CHD7: variants seen among roughly 807,000 people sequenced by gnomAD.
CHD7 encodes the protein ATP-dependent chromatin remodeler CHD7.
Under a neutral mutation model 307.3 loss-of-function variants are expected in CHD7, and 24 were observed. The observed-to-expected ratio is 0.08, with a 90% confidence interval of 0.06 to 0.11. The LOEUF is 0.11. Ranked by LOEUF, CHD7 falls within the 10% of genes least tolerant of loss-of-function variation. The pLI is 1.00. For missense variants in CHD7, 3,106 were observed against 3,727.1 expected (o/e 0.83, Z 4.34); for synonymous variants, 1,363 against 1,349.9 (o/e 1.01, Z -0.21).
At chr8:60,815,869 C>T (rs1034544412) in intron 7 of CHD7, among the ~76,000 whole-genome samples, 1 of 152,114 alleles carries the variant, frequency 6.6e-6, no homozygotes, top group African/African-American at 2.4e-5. Context: ...GTATGATAGG[C>T]CTTGGGTGAC....
chr8:60,834,590 T>A (rs1203868526), intron 15 of CHD7, among the ~76,000 whole-genome samples: 4 of 152,246 alleles, frequency 2.6e-5, no homozygotes, highest in African/African-American at 9.6e-5. Flanking sequence ...TTATTTTCCA[T>A]ACTTAAAGAA....
chr8:60,864,944 C>G (rs1377122350), intron 37 of CHD7, 72 bp from the exon 38 acceptor site: 1 of 1,431,546 alleles, frequency 7.0e-7, no homozygotes, highest in East Asian at 2.5e-5. Flanking sequence ...AGGTTCACCA[C>G]AGAGGCTCAC....
In CHD7 at chr8:60,781,292, C is replaced by G. The variant is rs200536932; in HGVS notation, c.1958C>G (p.Pro653Arg). The change falls in exon 3 of 38, where the codon CCG (proline) becomes CGG (arginine). Residue 653 changes from proline to arginine, a missense_variant. Around this residue, in one of 10 missense-constraint regions of CHD7, gnomAD observed 998 missense variants for 1,004.5 expected, o/e 0.99. Transcript: ENST00000423902. The part of the protein sequence containing the change: ...KKKRSKAKKD[P>R]KEPKEPKEKK... ...AAAAGGTCAAAGGCAAAAAAAGACC[C>G]GAAGGAACCGAAAGAACCCAAGGAG... The G allele has an allele frequency of 4.5e-6, 7 of 1,563,110 alleles. No homozygotes were observed. In the African/African-American group the frequency reaches 6.8e-5, roughly 15 times the overall value.
At chr8:60,723,713 C>T (rs1234170650) in intron 1 of CHD7, among the ~76,000 whole-genome samples, 1 of 152,168 alleles carries the variant, frequency 6.6e-6, no homozygotes, top group Non-Finnish European at 1.5e-5. Context: ...TAGAATGCCA[C>T]CTTATTTGGA....
At chr8:60,828,470 A>G (rs1223280321) in intron 13 of CHD7, among the ~76,000 whole-genome samples, 193 bp from the exon 14 acceptor site, 5 of 152,318 alleles carry the variant, frequency 3.3e-5, no homozygotes, top group African/African-American at 9.6e-5. Context: ...AGAGTTCTGG[A>G]GAGGACTGTC....
intron 2 of CHD7, among the ~76,000 whole-genome samples, chr8:60,765,797 G>A (rs896182285): frequency 1.3e-5 from 2 of 152,186 alleles, no homozygotes; most frequent in African/African-American, 2.4e-5. Context: ...AAGCATGGGC[G>A]CTTTACATTT....
At chr8:60,748,300 T>A (rs1809433454) in intron 2 of CHD7, among the ~76,000 whole-genome samples, 1 of 151,570 alleles carries the variant, frequency 6.6e-6, no homozygotes, top group African/African-American at 2.4e-5. Context: ...GGGAAAAGAG[T>A]TTAAGATTTA....
Position 60,806,235 on chromosome 8 carries a change from G to A in CHD7, c.2443-1982G>A, listed in dbSNP as rs568181484. 1.3e-4 allele frequency among the ~76,000 whole-genome samples: 20 copies of A among 152,130 alleles called. No homozygotes were observed. In the East Asian group the frequency reaches 3.9e-3, roughly 30 times the overall value. Reference sequence around the variant, plus strand: ...AAAAATTAGCCGGGCATGGTGGCGGGGCCTGTAGTCCCAGCTACTCAGGAG... The same window carrying A: ...AAAAATTAGCCGGGCATGGTGGCGGAGCCTGTAGTCCCAGCTACTCAGGAG... On this transcript the variant is annotated intron_variant, in intron 6 of 37. Transcript: ENST00000423902.
chr8:60,830,662 G>A (rs2150765396), intron 15 of CHD7, 85 bp downstream of exon 15: 1 of 1,468,036 alleles, frequency 6.8e-7, no homozygotes, highest in South Asian at 1.3e-5. Flanking sequence ...GGGATTTCAT[G>A]GTGTATAGTC....
At chr8:60,812,465 C>T (rs1215429132) in intron 7 of CHD7, among the ~76,000 whole-genome samples, 1 of 151,942 alleles carries the variant, frequency 6.6e-6, no homozygotes, top group Non-Finnish European at 1.5e-5. Context: ...GAGCTTGAGA[C>T]CAGCCTGGCC....
Position 60,841,647 on chromosome 8 carries a change from A to G in CHD7, c.4537A>G (p.Ser1513Gly). Reference protein sequence around the residue: ...EGKGSTFAKASFVASGNRTDI... With the variant: ...EGKGSTFAKAGFVASGNRTDI... ...TGCGTTTCTTTTTTCTCTTTAGGCC[A>G]GTTTTGTTGCATCTGGAAATAGGAC... The change falls in exon 20 of 38, where the codon AGT (serine) becomes GGT (glycine). Residue 1513 changes from serine to glycine, a missense_variant. Coordinates refer to ENST00000423902, the MANE Select transcript of CHD7 (RefSeq NM_017780.4). 6.2e-7 allele frequency: 1 copy of G among 1,606,528 alleles called. No homozygotes were observed. Among genetic ancestry groups the G allele is most frequent in the Non-Finnish European group, 8.5e-7 (1 of 1,173,380 alleles).
intron 17 of CHD7, 80 bp downstream of exon 17, chr8:60,837,092 ATAAAT>A: frequency 1.8e-6 from 2 of 1,136,942 alleles, no homozygotes; most frequent in Non-Finnish European, 1.3e-6. Context: ...AGTCAGACCC[ATAAAT>A]TAATGTTGCG....
chr8:60,802,067 T>A (rs2150712120), intron 6 of CHD7, among the ~76,000 whole-genome samples: 1 of 152,356 alleles, frequency 6.6e-6, no homozygotes, highest in Non-Finnish European at 1.5e-5. Context: ...TTCTTGCCAG[T>A]GCAAAGGTGA....
chr8:60,831,206 C>A (rs113715622), intron 15 of CHD7, among the ~76,000 whole-genome samples: 4 of 152,180 alleles, frequency 2.6e-5, no homozygotes, highest in African/African-American at 9.6e-5. Flanking sequence ...GTATAAGATA[C>A]TCTGGAGAAT....
chr8:60,821,133 A>T (rs1804011539), intron 9 of CHD7, among the ~76,000 whole-genome samples: 1 of 152,182 alleles, frequency 6.6e-6, no homozygotes, highest in Non-Finnish European at 1.5e-5. Context: ...ATCCTAATAA[A>T]TTTAAGCGTA....
At chr8:60,784,948 T>C (rs1357556775) in intron 3 of CHD7, among the ~76,000 whole-genome samples, 1 of 152,198 alleles carries the variant, frequency 6.6e-6, no homozygotes, top group Non-Finnish European at 1.5e-5. Context: ...ATTTTTCTAG[T>C]GTTCTCCCCA....
intron 1 of CHD7, among the ~76,000 whole-genome samples, chr8:60,711,439 C>T (rs1453063185): frequency 6.6e-6 from 1 of 152,124 alleles, no homozygotes; most frequent in African/African-American, 2.4e-5. Context: ...GAAATTGTCC[C>T]TGTCTTTTCT....
At chr8:60,771,719 T>C (rs922438219) in intron 2 of CHD7, among the ~76,000 whole-genome samples, 92 of 152,178 alleles carry the variant, frequency 6.0e-4, no homozygotes, top group Non-Finnish European at 1.1e-3. Flanking sequence ...ATTCAGGTTG[T>C]CCACAGAATT....
Position 60,741,806 on chromosome 8 carries a change from T to G in CHD7, c.374T>G (p.Val125Gly), listed in dbSNP as rs566085835. Residue 125 changes from valine (V) to glycine (G), a missense_variant, in exon 2 of 38, where the codon GTC (valine) becomes GGC (glycine). Coordinates refer to ENST00000423902, the MANE Select transcript of CHD7 (RefSeq NM_017780.4). ...HGGSGGGQMGVYPGMQNERHG... is the reference protein window; with the variant it reads ...HGGSGGGQMGGYPGMQNERHG... The stretch of plus-strand genomic sequence containing the variant: ...GGCAGTGGTGGCGGTCAGATGGGTG[T>G]CTACCCTGGCATGCAGAATGAGAGG... 3 of 1,613,866 alleles carry G rather than the reference T, an allele frequency of 1.9e-6. No individual in the cohort carries two copies. The highest frequency in any genetic ancestry group is 2.5e-6 in the Non-Finnish European group (3 of 1,179,846).
Sources: allele counts gnomAD v4.1 joint callset (sites outside exome capture counted in the v4.1 genomes callset), GRCh38; gene constraint gnomAD v4.1.1; regional missense constraint gnomAD v4.1.1; transcripts MANE v1.5; gene names NCBI Gene and HGNC (gene_info 2026-07-23, HGNC 2026-07-21).